MAMDC2: variants seen among roughly 807,000 people sequenced by gnomAD.
MAMDC2 encodes MAM domain-containing protein 2.
Under a neutral mutation model 89.8 loss-of-function variants are expected in MAMDC2, and 57 were observed. The ratio of observed to expected loss-of-function variants is 0.63; its 90% CI spans 0.51 to 0.79. MAMDC2 has a LOEUF of 0.79. Among genes scored for constraint, MAMDC2 ranks in the 30% least tolerant of loss-of-function variants. The pLI is 0.00. For synonymous variants in MAMDC2, 313 were observed against 293.4 expected, an observed-to-expected ratio of 1.07 and a Z score of -0.68; for missense variants, 800 against 820.6, an observed-to-expected ratio of 0.97 and a Z score of 0.31.
At chr9:70,194,723 T>G (rs901029921) in intron 11 of MAMDC2, among the ~76,000 whole-genome samples, 10 of 152,160 alleles carry the variant, frequency 6.6e-5, no homozygotes, top group African/African-American at 2.4e-4. Context: ...TTGAATGGTA[T>G]TATTATTTTT....
chr9:70,190,293 G>A (rs2032851058), intron 11 of MAMDC2, among the ~76,000 whole-genome samples: 2 of 152,106 alleles, frequency 1.3e-5, no homozygotes, highest in Admixed American at 6.6e-5. Context: ...TTTGCTTAGT[G>A]ACTTTCCTAG....
At chr9:70,052,559 A>G (rs1826936174) in intron 2 of MAMDC2, among the ~76,000 whole-genome samples, 1 of 152,120 alleles carries the variant, frequency 6.6e-6, no homozygotes, top group Non-Finnish European at 1.5e-5. Flanking sequence ...CCACTGTGTA[A>G]GTCTTCTTAT....
At chr9:70,083,672 C>T (rs1377193265) in intron 2 of MAMDC2, 2 of 150,434 alleles carry the variant, frequency 1.3e-5, no homozygotes, top group African/African-American at 4.9e-5. Flanking sequence ...TGCATGCTTA[C>T]GCATGATTTC....
At chr9:70,199,969 G>A (rs2033065033) in intron 11 of MAMDC2, among the ~76,000 whole-genome samples, 1 of 152,148 alleles carries the variant, frequency 6.6e-6, no homozygotes, top group Non-Finnish European at 1.5e-5. Flanking sequence ...TCAGATGAGT[G>A]GGTTGCGAAA....
At chr9:70,208,915 T>G (rs955935736) in intron 11 of MAMDC2, among the ~76,000 whole-genome samples, 29 of 152,142 alleles carry the variant, frequency 1.9e-4, no homozygotes, top group Non-Finnish European at 3.8e-4. Flanking sequence ...TTGGTTCTGT[T>G]TATATGATGG....
chr9:70,143,434 CTATCATTTAAAGCATAGCTGA>C, intron 8 of MAMDC2, 99 bp from the exon 9 acceptor site: 2 of 1,110,860 alleles, frequency 1.8e-6, no homozygotes, highest in Non-Finnish European at 2.5e-6. Context: ...AAAATGCTTT[CTATCATTTAAAGCATAGCTGA>C]TAGTCTTTGC....
intron 2 of MAMDC2, among the ~76,000 whole-genome samples, chr9:70,074,371 G>C (rs938746523): frequency 6.6e-6 from 1 of 152,252 alleles, no homozygotes; most frequent in African/African-American, 2.4e-5. Flanking sequence ...ATTCTTAAGA[G>C]ATGTATGTTT....
rs1333083666 is a variant in MAMDC2, at chr9:70,226,698, T to C, written c.*666T>C. The C allele has an allele frequency of 1.3e-5, 2 of 152,400 alleles. No homozygotes were observed. The highest frequency in any genetic ancestry group is 4.8e-5 in the African/African-American group (2 of 41,460). 9.4% of individuals were successfully genotyped at this position (152,400 alleles called of 1,614,324 possible). ...TTCCCCCTTTGAACTACCTTTGAAG[T>C]CACTATGAGCACATGGATAGAAATT... On this transcript the variant is annotated 3_prime_UTR_variant, in exon 14 of 14. Transcript: ENST00000377182.
intron 6 of MAMDC2, among the ~76,000 whole-genome samples, chr9:70,126,859 T>C (rs1475693876): frequency 4.6e-5 from 7 of 152,140 alleles, no homozygotes; most frequent in Non-Finnish European, 4.4e-5. Flanking sequence ...AGTGACTCAT[T>C]TCTTTTTTTG....
chr9:70,180,494 T>C (rs1258757286), intron 11 of MAMDC2, among the ~76,000 whole-genome samples: 2 of 150,652 alleles, frequency 1.3e-5, no homozygotes, highest in African/African-American at 4.8e-5. Flanking sequence ...TGTAAAAGCA[T>C]TCCTATTTTT....
At position 70,143,250 on chromosome 9, in the gene MAMDC2, GA is replaced by G. The variant is rs142701035; in HGVS notation, c.1139-303del. On this transcript the variant is annotated intron_variant, in intron 8 of 13. Transcript: ENST00000377182. ...TGACCCAGGCAGCTGGTATCTCCAA[GA>G]TGACTTCATCCTTTTTGTTTCATGA... is the stretch of plus-strand genomic sequence containing the variant. 9.1e-3 allele frequency among the ~76,000 whole-genome samples: 1,386 copies of G among 152,298 alleles called. 22 individuals carry two copies. Among genetic ancestry groups the G allele is most frequent in the African/African-American group, 0.032 (1,314 of 41,546 alleles).
intron 7 of MAMDC2, among the ~76,000 whole-genome samples, chr9:70,134,748 C>G (rs1002400283): frequency 2.0e-5 from 3 of 152,142 alleles, no homozygotes; most frequent in African/African-American, 4.8e-5. Flanking sequence ...TTAAGTGCCC[C>G]CAAGGGTCTC....
chr9:70,079,996 T>C (rs1433734050), intron 2 of MAMDC2, among the ~76,000 whole-genome samples: 1 of 152,242 alleles, frequency 6.6e-6, no homozygotes, highest in African/African-American at 2.4e-5. Flanking sequence ...CTTATTTACT[T>C]TGTGTATGTT....
chr9:70,212,103 T>C (rs1478730389), intron 11 of MAMDC2, among the ~76,000 whole-genome samples: 1 of 152,374 alleles, frequency 6.6e-6, no homozygotes, highest in East Asian at 1.9e-4. Flanking sequence ...GCAGTCTGTC[T>C]GTTCTCAGAT....
At chr9:70,139,885 C>T (rs374527571) in intron 7 of MAMDC2, among the ~76,000 whole-genome samples, 10 of 152,128 alleles carry the variant, frequency 6.6e-5, no homozygotes, top group Middle Eastern at 3.4e-3. Flanking sequence ...CTTTTGAAGT[C>T]GGGTACTTCA....
intron 2 of MAMDC2, among the ~76,000 whole-genome samples, chr9:70,096,547 C>G (rs1263744274): frequency 6.6e-6 from 1 of 152,148 alleles, no homozygotes; most frequent in Non-Finnish European, 1.5e-5. Flanking sequence ...CCATCTAGAA[C>G]TTAGTCACTG....
At chr9:70,060,268 T>C (rs1827118131) in intron 2 of MAMDC2, among the ~76,000 whole-genome samples, 1 of 152,176 alleles carries the variant, frequency 6.6e-6, no homozygotes, top group African/African-American at 2.4e-5. Context: ...ACTCAGAATA[T>C]GTTTGACAAA....
chr9:70,125,111 T>C (rs1238555919), intron 5 of MAMDC2, among the ~76,000 whole-genome samples: 1 of 152,242 alleles, frequency 6.6e-6, no homozygotes, highest in Non-Finnish European at 1.5e-5. Context: ...TGAAGCTGCA[T>C]TGAATAGCAC....
At chr9:70,174,860 G>A (rs1268188008) in intron 11 of MAMDC2, among the ~76,000 whole-genome samples, 2 of 151,884 alleles carry the variant, frequency 1.3e-5, no homozygotes, top group African/African-American at 2.4e-5. Flanking sequence ...CGACTAGCTG[G>A]GATTACAGGT....
Sources: allele counts gnomAD v4.1 joint callset (sites outside exome capture counted in the v4.1 genomes callset), GRCh38; gene constraint gnomAD v4.1.1; transcripts MANE v1.5; gene names NCBI Gene and HGNC (gene_info 2026-07-23, HGNC 2026-07-21).